The following SHLD1 variants were observed in gnomAD, a reference collection of about 807,000 sequenced individuals.
SHLD1 encodes the protein shieldin complex subunit 1.
SHLD1 carries 3 observed loss-of-function variants against 5.5 expected under a neutral mutation model. The observed-to-expected ratio is 0.54, with a 90% CI of 0.25 to 1.40. The LOEUF is 1.40. Ranked by LOEUF, SHLD1 falls within the 40% of genes most tolerant of loss-of-function variation. The pLI is 0.15. For missense variants in SHLD1, 210 were observed against 244.4 expected, an observed-to-expected ratio of 0.86 and a Z score of 0.94; for synonymous variants, 92 against 94.3, an observed-to-expected ratio of 0.98 and a Z score of 0.14.
chr20:5,841,168 C>T (rs1030790980), intron 2 of SHLD1, among the ~76,000 whole-genome samples: 1 of 120,622 alleles, frequency 8.3e-6, no homozygotes, highest in Non-Finnish European at 1.6e-5. Context: ...CTGAAAATAG[C>T]GAGTGTGTGT....
At chr20:5,781,889 C>G (rs1008123692) in intron 2 of SHLD1, among the ~76,000 whole-genome samples, 1 of 152,184 alleles carries the variant, frequency 6.6e-6, no homozygotes, top group Non-Finnish European at 1.5e-5. Flanking sequence ...TATTTAATAA[C>G]CAATACAGCA....
chr20:5,777,601 A>AT (rs760228037), intron 2 of SHLD1, among the ~76,000 whole-genome samples: 35 of 138,102 alleles, frequency 2.5e-4, no homozygotes, highest in Non-Finnish European at 3.6e-4. Flanking sequence ...AAAAAATTTT[A>AT]TTTTTTTTTT....
chr20:5,773,207 A>G, intron 2 of SHLD1, 164 bp downstream of exon 2: 1 of 799,424 alleles, frequency 1.3e-6, no homozygotes, highest in Non-Finnish European at 2.2e-6. Flanking sequence ...AGGAACTTCA[A>G]AGGACAGCTT....
intron 2 of SHLD1, among the ~76,000 whole-genome samples, chr20:5,844,797 A>ATTTTTTT (rs1332769444): frequency 3.2e-5 from 3 of 95,194 alleles, no homozygotes; most frequent in East Asian, 3.3e-4. Context: ...ATATATATAT[A>ATTTTTTT]TATTTTTTTT....
At chr20:5,764,773 G>A (rs1408838705) in intron 1 of SHLD1, among the ~76,000 whole-genome samples, 1 of 152,152 alleles carries the variant, frequency 6.6e-6, no homozygotes, top group African/African-American at 2.4e-5. Context: ...GGATCGTTGT[G>A]TGATGAAGCA....
chr20:5,812,946 C>T (rs2087479583), intron 2 of SHLD1, among the ~76,000 whole-genome samples: 1 of 152,026 alleles, frequency 6.6e-6, no homozygotes, highest in African/African-American at 2.4e-5. Context: ...ATAATCGTGG[C>T]TTACCACAGC....
intron 2 of SHLD1, among the ~76,000 whole-genome samples, chr20:5,787,566 T>C (rs952219287): frequency 1.9e-4 from 29 of 152,238 alleles, no homozygotes; most frequent in African/African-American, 6.8e-4. Flanking sequence ...CTGACCAGGT[T>C]CATGTTTTGC....
chr20:5,779,998 A>T (rs547567525), intron 2 of SHLD1, among the ~76,000 whole-genome samples: 81 of 63,602 alleles, frequency 1.3e-3, no homozygotes, highest in African/African-American at 5.0e-3. Context: ...TTTTTTTTGG[A>T]GACAGAGTCT....
intron 2 of SHLD1, among the ~76,000 whole-genome samples, chr20:5,854,382 A>G (rs181287653): frequency 6.6e-6 from 1 of 152,246 alleles, no homozygotes; most frequent in Admixed American, 6.5e-5. Context: ...TCCTGAACTC[A>G]CGTGATTTGT....
chr20:5,853,343 G>A (rs927446126), intron 2 of SHLD1, among the ~76,000 whole-genome samples: 6 of 152,164 alleles, frequency 3.9e-5, no homozygotes, highest in Non-Finnish European at 8.8e-5. Context: ...CTACTCGGGA[G>A]GCTGAGGCAG....
intron 2 of SHLD1, among the ~76,000 whole-genome samples, chr20:5,814,808 G>A (rs959135290): frequency 5.3e-5 from 8 of 151,652 alleles, no homozygotes; most frequent in African/African-American, 1.9e-4. Context: ...TACCACAGGC[G>A]CATGCCACCA....
chr20:5,770,633 A>G (rs1184447644), intron 1 of SHLD1, among the ~76,000 whole-genome samples: 1 of 152,212 alleles, frequency 6.6e-6, no homozygotes, highest in African/African-American at 2.4e-5. Context: ...TCCAGCAGGC[A>G]TTTGGTTTGT....
chr20:5,853,424 C>A (rs776489458), intron 2 of SHLD1, among the ~76,000 whole-genome samples: 1 of 151,950 alleles, frequency 6.6e-6, no homozygotes, highest in African/African-American at 2.4e-5. Flanking sequence ...CCAGCCTGAG[C>A]GACAGATCGA....
chr20:5,815,477 C>G (rs995119120), intron 2 of SHLD1, among the ~76,000 whole-genome samples: 2 of 152,212 alleles, frequency 1.3e-5, no homozygotes, highest in African/African-American at 4.8e-5. Context: ...GAGCAGGAGT[C>G]AGCAGCCTCT....
intron 2 of SHLD1, among the ~76,000 whole-genome samples, chr20:5,825,289 C>T (rs1179483687): frequency 6.6e-6 from 1 of 152,186 alleles, no homozygotes; most frequent in African/African-American, 2.4e-5. Context: ...AGGTCGAGGC[C>T]AGTCAATACA....
At position 5,841,326 on chromosome 20, in the gene SHLD1, A is replaced by G. The variant is rs368213963; in HGVS notation, c.179-21698A>G. ...ATATATGTGGGTGTATACCCACATA[A>G]CCACTACCTAGATCAAAATATAGAA... On this transcript the variant is annotated intron_variant, in intron 2 of 2. Transcript: ENST00000303142. Among the ~76,000 whole-genome samples, 10 of 152,334 alleles carry G rather than the reference A, an allele frequency of 6.6e-5. No homozygotes were observed. The East Asian group carries it at 1.3e-3, about 21-fold the overall frequency.
chr20:5,844,365 TAC>T (rs2087901357), intron 2 of SHLD1, among the ~76,000 whole-genome samples: 1 of 152,232 alleles, frequency 6.6e-6, no homozygotes, highest in Non-Finnish European at 1.5e-5. Flanking sequence ...GTCATCAACT[TAC>T]AAAAACCACT....
intron 2 of SHLD1, among the ~76,000 whole-genome samples, chr20:5,785,838 T>G (rs1405008990): frequency 6.6e-6 from 1 of 151,944 alleles, no homozygotes; most frequent in Non-Finnish European, 1.5e-5. Flanking sequence ...GTTACTTCTT[T>G]AAGTCTGAGC....
chr20:5,839,986 T>A (rs1254713691), intron 2 of SHLD1, among the ~76,000 whole-genome samples: 1 of 152,220 alleles, frequency 6.6e-6, no homozygotes, highest in African/African-American at 2.4e-5. Context: ...GACATCTGTT[T>A]GCATTTTGAA....
Sources: allele counts gnomAD v4.1 joint callset (sites outside exome capture counted in the v4.1 genomes callset), GRCh38; gene constraint gnomAD v4.1.1; transcripts MANE v1.5; gene names NCBI Gene and HGNC (gene_info 2026-07-23, HGNC 2026-07-21).